The following GPC5 variants were observed in gnomAD, a reference collection of about 807,000 sequenced individuals.
GPC5 encodes glypican 5, also known as glypican-5.
Under a neutral mutation model 53.9 loss-of-function variants are expected in GPC5, and 47 were observed. The ratio of observed to expected loss-of-function variants is 0.87; its 90% CI spans 0.69 to 1.11. GPC5 has a LOEUF of 1.11. Among genes scored for constraint, GPC5 ranks in the 50% most tolerant of loss-of-function variants. The pLI, the probability that GPC5 is intolerant of heterozygous loss-of-function variation, is 0.00. For missense variants in GPC5, 748 were observed against 713.1 expected (o/e 1.05, Z -0.56); for synonymous variants, 286 against 263.3 (o/e 1.09, Z -0.84).
intron 5 of GPC5, among the ~76,000 whole-genome samples, chr13:91,904,936 G>A (rs1011989854): frequency 6.6e-6 from 1 of 151,996 alleles, no homozygotes; most frequent in Non-Finnish European, 1.5e-5. Flanking sequence ...ATCTGCATTA[G>A]CAATCTTGCT....
intron 1 of GPC5, among the ~76,000 whole-genome samples, chr13:91,422,171 A>G (rs187561042): frequency 4.6e-5 from 7 of 152,324 alleles, no homozygotes; most frequent in African/African-American, 7.2e-5. Context: ...GACAAACTCA[A>G]TCTCAACTCC....
At chr13:91,586,442 A>G (rs1355897994) in intron 2 of GPC5, among the ~76,000 whole-genome samples, 2 of 132,422 alleles carry the variant, frequency 1.5e-5, no homozygotes, top group African/African-American at 5.5e-5. Flanking sequence ...TATGGCTGAC[A>G]AGGCCTCAGG....
At chr13:92,153,449 T>C (rs2041921402) in intron 7 of GPC5, among the ~76,000 whole-genome samples, 1 of 152,202 alleles carries the variant, frequency 6.6e-6, no homozygotes, top group Admixed American at 6.5e-5. Flanking sequence ...TCATTTCCTT[T>C]TACCAAAGTA....
chr13:92,771,309 T>C (rs1875606847), intron 7 of GPC5, among the ~76,000 whole-genome samples: 1 of 152,178 alleles, frequency 6.6e-6, no homozygotes, highest in East Asian at 1.9e-4. Context: ...TCTAGACTTC[T>C]GGCCTACTCT....
chr13:92,507,556 C>T (rs1401632260), intron 7 of GPC5, among the ~76,000 whole-genome samples: 1 of 152,106 alleles, frequency 6.6e-6, no homozygotes, highest in Non-Finnish European at 1.5e-5. Flanking sequence ...CAATTGTTTT[C>T]ATAACCAGTT....
At chr13:91,591,198 C>T (rs1051682376) in intron 2 of GPC5, among the ~76,000 whole-genome samples, 1 of 152,148 alleles carries the variant, frequency 6.6e-6, no homozygotes, top group African/African-American at 2.4e-5. Context: ...GCTCCTTCCT[C>T]CTTGAGAACA....
chr13:91,613,548 G>T (rs1414939765), intron 2 of GPC5, among the ~76,000 whole-genome samples: 1 of 152,114 alleles, frequency 6.6e-6, no homozygotes, highest in Non-Finnish European at 1.5e-5. Context: ...ATTTGGGACT[G>T]GAAGATCAAT....
chr13:91,993,289 C>G (rs1187569542), intron 6 of GPC5, among the ~76,000 whole-genome samples: 2 of 152,138 alleles, frequency 1.3e-5, no homozygotes, highest in Non-Finnish European at 2.9e-5. Flanking sequence ...TTCAAATGAG[C>G]AAACTGCAAT....
At chr13:92,252,933 T>C (rs990717091) in intron 7 of GPC5, among the ~76,000 whole-genome samples, 9 of 152,026 alleles carry the variant, frequency 5.9e-5, no homozygotes, top group African/African-American at 1.4e-4. Context: ...GTCTAACATA[T>C]GGAATGGGCA....
chr13:92,555,283 C>T (rs897403540), intron 7 of GPC5, among the ~76,000 whole-genome samples: 1 of 151,056 alleles, frequency 6.6e-6, no homozygotes, highest in Non-Finnish European at 1.5e-5. Flanking sequence ...ATAAGACATC[C>T]TGATTAAATA....
In GPC5 at chr13:91,513,272, T is replaced by A. The variant is rs530728220; in HGVS notation, c.325+64350T>A. Among the ~76,000 whole-genome samples the A allele has an allele frequency of 2.6e-5, 4 of 152,348 alleles. No individual in the cohort carries two copies. In the South Asian group the frequency reaches 8.3e-4, roughly 32 times the overall value. On this transcript the variant is annotated intron_variant, in intron 2 of 7. Transcript: ENST00000377067. Reference sequence around the variant, plus strand: ...CTGCTTGGTGAGATTTTTATGATTGTAATAAATATCACAACTAGGATAATA... The same window carrying A: ...CTGCTTGGTGAGATTTTTATGATTGAAATAAATATCACAACTAGGATAATA...
chr13:92,411,564 TC>T (rs1876044412), intron 7 of GPC5, among the ~76,000 whole-genome samples: 1 of 152,218 alleles, frequency 6.6e-6, no homozygotes, highest in Non-Finnish European at 1.5e-5. Flanking sequence ...AAACATAGAT[TC>T]AACAGGACAC....
intron 1 of GPC5, among the ~76,000 whole-genome samples, chr13:91,408,258 T>C (rs1877472749): frequency 6.6e-6 from 1 of 152,184 alleles, no homozygotes; most frequent in Admixed American, 6.5e-5. Context: ...TTCTCCTCTC[T>C]CTTTCTATGA....
intron 7 of GPC5, chr13:92,709,598 G>A (rs1334485302): frequency 6.6e-6 from 1 of 152,154 alleles, no homozygotes; most frequent in African/African-American, 2.4e-5. Context: ...AGAAAAGAAT[G>A]ACAGGAGGGG....
chr13:92,142,707 A>G (rs1200584186), intron 6 of GPC5, among the ~76,000 whole-genome samples: 1 of 152,170 alleles, frequency 6.6e-6, no homozygotes, highest in Non-Finnish European at 1.5e-5. Flanking sequence ...TCCTCATAAC[A>G]TATACACTGT....
chr13:92,475,541 T>C (rs1240354415), intron 7 of GPC5, among the ~76,000 whole-genome samples: 1 of 151,578 alleles, frequency 6.6e-6, no homozygotes, highest in Non-Finnish European at 1.5e-5. Flanking sequence ...GTGATTTTTG[T>C]ACATTGATTT....
At chr13:91,549,672 ATG>A (rs2030509913) in intron 2 of GPC5, among the ~76,000 whole-genome samples, 1 of 152,160 alleles carries the variant, frequency 6.6e-6, no homozygotes, top group Admixed American at 6.6e-5. Flanking sequence ...TCAACATCAT[ATG>A]TCATGAGGGA....
chr13:92,733,268 C>G (rs1888855057), intron 7 of GPC5, among the ~76,000 whole-genome samples: 1 of 151,588 alleles, frequency 6.6e-6, no homozygotes, highest in Non-Finnish European at 1.5e-5. Flanking sequence ...TTGTGCTTGT[C>G]TTTAGAACCT....
At chr13:92,060,940 G>A (rs546843563) in intron 6 of GPC5, among the ~76,000 whole-genome samples, 2 of 152,048 alleles carry the variant, frequency 1.3e-5, no homozygotes, top group South Asian at 4.2e-4. Context: ...CTATCCGTAG[G>A]CAATAGAAGC....
Sources: gnomAD v4.1 joint callset for allele counts (sites outside exome capture counted in the v4.1 genomes callset) on GRCh38, gnomAD v4.1.1 for gene constraint, MANE v1.5 for transcripts, NCBI Gene and HGNC (gene_info 2026-07-23, HGNC 2026-07-21) for gene names.